The following STARD3 variants were observed in gnomAD, a reference collection of about 807,000 sequenced individuals.
STARD3 encodes StAR related lipid transfer domain containing 3, also known as stAR-related lipid transfer protein 3.
A neutral mutation model predicts 62.0 loss-of-function variants in STARD3; 39 were observed. The ratio of observed to expected loss-of-function variants is 0.63; its 90% CI spans 0.49 to 0.82. The LOEUF (loss-of-function observed/expected upper bound fraction) is 0.82, where lower values mean the gene tolerates loss of function less well. Among genes scored for constraint, STARD3 ranks in the 40% least tolerant of loss-of-function variants. The probability of loss-of-function intolerance (pLI) is 0.00; values close to 1 mark genes in which losing one functional copy is unlikely to be tolerated. For synonymous variants in STARD3, 229 were observed against 242.4 expected, an observed-to-expected ratio of 0.94 and a Z score of 0.51; for missense variants, 543 against 584.5, an observed-to-expected ratio of 0.93 and a Z score of 0.73.
In STARD3 at chr17:39,660,111, T is replaced by C; in HGVS notation, c.796-100T>C. ...CCCAAACTCCTGGAGTTTTCCACCC[T>C]GAGCTGTTAAAAACCTGCCCTGCCT... On this transcript the variant is annotated intron_variant, in intron 9 of 14. Coordinates refer to ENST00000336308, the MANE Select transcript of STARD3 (RefSeq NM_006804.4). The surrounding 1 kb of genome is among the most constrained non-coding windows in gnomAD (Gnocchi z 4.8). 1.7e-6 allele frequency: 2 copies of C among 1,200,006 alleles called. No homozygotes were observed. Among genetic ancestry groups the C allele is most frequent in the African/African-American group, 1.5e-5 (1 of 66,860 alleles). 74.3% of individuals were successfully genotyped at this position (1,200,006 alleles called of 1,614,324 possible). A position where few individuals can be genotyped will look rare whatever the true frequency, so the allele number is the denominator to read the frequency against.
At chr17:39,657,513 C>T (rs1436073661) in intron 3 of STARD3, among the ~76,000 whole-genome samples, 1 of 149,762 alleles carries the variant, frequency 6.7e-6, no homozygotes, top group Non-Finnish European at 1.5e-5. Context: ...GGCGACAGAG[C>T]GAGACTCTGT....
At position 39,660,820 on chromosome 17, in the gene STARD3, G is replaced by C. The variant is rs763532329; in HGVS notation, c.965G>C (p.Arg322Pro). Residue 322 changes from arginine (R) to proline (P), a missense_variant, in exon 12 of 15, where the codon CGA becomes CCA. Transcript: ENST00000336308. This position sits in a 1 kb window ranked among gnomAD's most constrained non-coding sequence, Gnocchi z 4.8. ...KTVTACQILQ[R>P]VEDNTLISYD... The stretch of plus-strand genomic sequence containing the variant: ...GTTGACGGCCCTCAGATCCTGCAGC[G>C]AGTGGAAGACAACACCCTCATCTCC... The C allele has an allele frequency of 6.3e-7, 1 of 1,586,714 alleles. No homozygotes were observed. The highest frequency in any genetic ancestry group is 1.2e-5 in the South Asian group (1 of 86,548).
rs200068907 is a variant in STARD3, at chr17:39,658,784, G to A, written c.610G>A (p.Glu204Lys). The change falls in exon 7 of 15, where the codon GAG becomes AAG. Residue 204 changes from glutamate (E) to lysine (K), a missense_variant. Physicochemically the swap from Glu to Lys is moderately conservative, Grantham distance 56. Transcript: ENST00000336308. ...CCTGCTGTTCTCCGGTGCTCTGTCC[G>A]AGGGACAGTTCTATTCACCCCCAGA... is the stretch of plus-strand genomic sequence containing the variant. The part of the protein sequence containing the change: ...GPLLFSGALS[E>K]GQFYSPPESF... 6.2e-6 allele frequency: 10 copies of A among 1,613,906 alleles called. No individual in the cohort carries two copies. The highest frequency in any genetic ancestry group is 1.7e-5 in the Admixed American group (1 of 59,990).
intron 3 of STARD3, 53 bp from the exon 4 acceptor site, chr17:39,657,722 C>A (rs2057144841): frequency 3.7e-6 from 6 of 1,604,608 alleles, no homozygotes; most frequent in East Asian, 2.2e-5. Context: ...CAGCCTGCAG[C>A]AGGGTGGGGG....
chr17:39,649,497 T>G (rs1175011842), intron 1 of STARD3, among the ~76,000 whole-genome samples: 1 of 152,188 alleles, frequency 6.6e-6, no homozygotes, highest in Non-Finnish European at 1.5e-5. Flanking sequence ...CTCACCAGGA[T>G]ATACTATTTA....
At chr17:39,648,328 A>G (rs371963815) in intron 1 of STARD3, among the ~76,000 whole-genome samples, 2 of 151,550 alleles carry the variant, frequency 1.3e-5, no homozygotes, top group Admixed American at 1.3e-4. Flanking sequence ...TTAGCTGAGC[A>G]TAATGGCATG....
intron 9 of STARD3, 103 bp downstream of exon 9, chr17:39,659,656 C>T: frequency 8.1e-7 from 1 of 1,232,872 alleles, no homozygotes; most frequent in Non-Finnish European, 1.2e-6. Context: ...GGGTTGGAGC[C>T]ATATTCCTGC....
rs1233565917 is a variant in STARD3, at chr17:39,659,569, C to T, written c.795+16C>T. 1 of 1,612,296 alleles carries T rather than the reference C, an allele frequency of 6.2e-7. No homozygotes were observed. The highest frequency in any genetic ancestry group is 8.5e-7 in the Non-Finnish European group (1 of 1,178,406). On this transcript the variant is annotated intron_variant, in intron 9 of 14. Coordinates refer to ENST00000336308, the MANE Select transcript of STARD3 (RefSeq NM_006804.4). ...GAAGAATAATGTAAGAAGCCCTCTCCCACCTGACCTTCCCATGCGTGTTAG... is the reference window on the plus strand; with the variant it reads ...GAAGAATAATGTAAGAAGCCCTCTCTCACCTGACCTTCCCATGCGTGTTAG...
rs1226563841 is a variant in STARD3 at position 39,662,297 on chromosome 17, A to C, written c.1186A>C (p.Asn396His). The C allele has an allele frequency of 2.5e-6, 4 of 1,614,058 alleles. No individual in the cohort carries two copies. The highest frequency in any genetic ancestry group is 3.4e-6 in the Non-Finnish European group (4 of 1,179,984). ...CTTCATCGTGCTCAAGTCGGCCAGTAACCCCCGTGTTTGCACCTTTGTCTG... is the reference window on the plus strand; with the variant it reads ...CTTCATCGTGCTCAAGTCGGCCAGTCACCCCCGTGTTTGCACCTTTGTCTG... ...GGFIVLKSAS[N>H]PRVCTFVWIL... The change falls in exon 14 of 15, where the codon AAC becomes CAC. Residue 396 changes from asparagine to histidine, a missense_variant. Transcript: ENST00000336308.
At chr17:39,662,225 C>G (rs770264633) in intron 13 of STARD3, 26 bp from the exon 14 acceptor site, 2 of 1,605,450 alleles carry the variant, frequency 1.2e-6, no homozygotes, top group Non-Finnish European at 1.7e-6. Context: ...GTTCCAAAGT[C>G]CCCCCAATGA....
intron 1 of STARD3, among the ~76,000 whole-genome samples, chr17:39,649,865 C>CAAAAAAAAAAAAAAAAAA (rs10713558): frequency 1.2e-5 from 1 of 85,004 alleles, no homozygotes; most frequent in African/African-American, 4.8e-5. Context: ...GACTCCGTCT[C>CAAAAAAAAAAAAAAAAAA]AAAAAAAAAA....
chr17:39,638,754 A>G (rs185579945), intron 1 of STARD3, among the ~76,000 whole-genome samples: 19 of 152,340 alleles, frequency 1.2e-4, no homozygotes, highest in Non-Finnish European at 2.5e-4. Context: ...AAATGGAGGT[A>G]GGAATGTCTC....
intron 13 of STARD3, 80 bp from the exon 14 acceptor site, chr17:39,662,171 G>A (rs1034492430): frequency 1.8e-5 from 23 of 1,279,560 alleles, no homozygotes; most frequent in Non-Finnish European, 2.6e-5. Flanking sequence ...CAAGAATGGA[G>A]TGTGAGTGGT....
At chr17:39,646,348 G>T (rs866753938) in intron 1 of STARD3, among the ~76,000 whole-genome samples, 3 of 152,056 alleles carry the variant, frequency 2.0e-5, no homozygotes, top group African/African-American at 7.2e-5. Flanking sequence ...CACCTCCCCG[G>T]CTCAAGTGAT....
rs777210953 is a variant in STARD3, at chr17:39,658,570, C to T, written c.547+48C>T. On this transcript the variant is annotated intron_variant, in intron 6 of 14. Transcript: ENST00000336308. ...GTGCAGCGAGGGTTACCCACAGCCCCAAGAGAGGGGAGTTGCGGGCATGAG... is the reference window on the plus strand; with the variant it reads ...GTGCAGCGAGGGTTACCCACAGCCCTAAGAGAGGGGAGTTGCGGGCATGAG... The T allele has an allele frequency of 3.8e-6, 6 of 1,587,900 alleles. No homozygotes were observed. The African/African-American group carries it at 8.1e-5, about 21-fold the overall frequency.
intron 1 of STARD3, chr17:39,653,174 A>G (rs567673725): frequency 5.6e-6 from 2 of 358,484 alleles, no homozygotes; most frequent in South Asian, 3.0e-5. Flanking sequence ...AGCAGGCTAC[A>G]GCCCCAGGGA....
intron 13 of STARD3, chr17:39,661,331 C>G (rs1177371800): frequency 1.8e-6 from 1 of 544,080 alleles, no homozygotes; most frequent in Non-Finnish European, 3.3e-6. Context: ...GCGGCGGTGG[C>G]TGGCTGGGGT....
At chr17:39,654,491 G>A (rs1490519402) in intron 2 of STARD3, among the ~76,000 whole-genome samples, 1 of 152,192 alleles carries the variant, frequency 6.6e-6, no homozygotes, top group Non-Finnish European at 1.5e-5. Flanking sequence ...AGATGCTGCC[G>A]GGCAGCCTGG....
intron 1 of STARD3, among the ~76,000 whole-genome samples, chr17:39,651,103 TC>T (rs1009664230): frequency 3.3e-5 from 5 of 152,232 alleles, no homozygotes; most frequent in African/African-American, 1.2e-4. Flanking sequence ...GCCCAGCTTT[TC>T]CGTAGCACTG....
Sources: gnomAD v4.1 joint callset for allele counts (sites outside exome capture counted in the v4.1 genomes callset) on GRCh38, gnomAD v4.1.1 for gene constraint, Gnocchi (gnomAD v3.1) non-coding constraint, MANE v1.5 for transcripts, NCBI Gene and HGNC (gene_info 2026-07-23, HGNC 2026-07-21) for gene names.